Variants in ADAMTS13 observed in about 807,000 individuals in gnomAD.
The protein encoded by ADAMTS13 is A disintegrin and metalloproteinase with thrombospondin motifs 13.
A neutral mutation model predicts 155.1 loss-of-function variants in ADAMTS13; 110 were observed. That is an observed-to-expected ratio of 0.71 (90% confidence interval 0.61 to 0.83). ADAMTS13 has a LOEUF of 0.83. Among genes scored for constraint, ADAMTS13 ranks in the 40% least tolerant of loss-of-function variants. The pLI is 0.00. For synonymous variants in ADAMTS13, 758 were observed against 756.4 expected, an observed-to-expected ratio of 1.00 and a Z score of -0.03; for missense variants, 1,707 against 1,891.7, an observed-to-expected ratio of 0.90 and a Z score of 1.81.
rs782291909 is a variant in ADAMTS13 at position 133,424,506 on chromosome 9, G to T, written c.330+28G>T. 2 of 1,600,026 alleles carry T rather than the reference G, an allele frequency of 1.2e-6. No homozygotes were observed. Among genetic ancestry groups the T allele is most frequent in the Non-Finnish European group, 1.7e-6 (2 of 1,173,520 alleles). ...GAGTGCCCCACGCTGGACTGTGCAG[G>T]TCCCCACGGCCAGGGCTGGTGACCA... On this transcript the variant is annotated intron_variant, in intron 3 of 28. Transcript: ENST00000355699. This position sits in a 1 kb window ranked among gnomAD's most constrained non-coding sequence, Gnocchi z 4.3.
In ADAMTS13 at chr9:133,428,785, C is replaced by G. The variant is rs1349693000; in HGVS notation, c.824+14C>G. The G allele has an allele frequency of 1.1e-5, 14 of 1,308,848 alleles. No individual in the cohort carries two copies. The highest frequency in any genetic ancestry group is 1.4e-5 in the Non-Finnish European group (14 of 1,026,926). 81.1% of individuals were successfully genotyped at this position (1,308,848 alleles called of 1,614,324 possible). On this transcript the variant is annotated intron_variant, in intron 7 of 28. Transcript: ENST00000355699. Reference sequence around the variant, plus strand: ...GAGCCTGCTCAGGTAGCGGCCGCCCCGTGGGAGGGGCGCGCGAGCCTCCAG... The same window carrying G: ...GAGCCTGCTCAGGTAGCGGCCGCCCGGTGGGAGGGGCGCGCGAGCCTCCAG...
Position 133,428,754 on chromosome 9 carries a change from G to T in ADAMTS13, c.807G>T (p.Gln269His), listed in dbSNP as rs1183963868. 1.8e-5 allele frequency: 25 copies of T among 1,354,206 alleles called. 1 individual carries two copies. In the Admixed American group the frequency reaches 6.8e-4, roughly 37 times the overall value. The allele number at this position is 1,354,206 out of a possible 1,614,324, so 83.9% of individuals were successfully genotyped here. Residue 269 changes from glutamine (Q) to histidine (H), a missense_variant, in exon 7 of 29, where the codon CAG becomes CAT. Coordinates refer to ENST00000355699, the MANE Select transcript of ADAMTS13 (RefSeq NM_139027.6). ...CCTGGTCCCCCTGCAGCCGCCGGCA[G>T]CTGCTGAGCCTGCTCAGGTAGCGGC... ...GLAWSPCSRR[Q>H]LLSLLSAGRA...
At chr9:133,435,055 C>A in intron 11 of ADAMTS13, among the ~76,000 whole-genome samples, 1 of 152,198 alleles carries the variant, frequency 6.6e-6, no homozygotes, top group East Asian at 1.9e-4. Context: ...GTGTTTTCAC[C>A]TTTTGGCTCC....
chr9:133,448,845 T>G, intron 22 of ADAMTS13, 117 bp downstream of exon 22: 1 of 1,472,962 alleles, frequency 6.8e-7, no homozygotes, highest in Non-Finnish European at 9.1e-7. Context: ...CTGTGCACTG[T>G]GTGAGGCTGG....
chr9:133,432,417 C>A (rs782665177), intron 8 of ADAMTS13, among the ~76,000 whole-genome samples, 171 bp from the exon 9 acceptor site: 7 of 152,240 alleles, frequency 4.6e-5, no homozygotes, highest in Non-Finnish European at 7.3e-5. Context: ...GTCCCGGTTC[C>A]CCATCGATGG....
chr9:133,442,236 T>G (rs1210469833), intron 16 of ADAMTS13, among the ~76,000 whole-genome samples, 163 bp from the exon 17 acceptor site: 1 of 152,038 alleles, frequency 6.6e-6, no homozygotes, highest in East Asian at 1.9e-4. Flanking sequence ...CTCCCAAAGT[T>G]TTGGGTTTAC....
In ADAMTS13 at chr9:133,425,012, C is replaced by T. The variant is rs1840188612; in HGVS notation, c.331-517C>T. ...GAAGGGCGGGCAGGGAAGCACTCCC[C>T]CACTAGCCGCCGTCTCAGAAAGACA... On this transcript the variant is annotated intron_variant, in intron 3 of 28. Coordinates refer to ENST00000355699, the MANE Select transcript of ADAMTS13 (RefSeq NM_139027.6). This position sits in a 1 kb window ranked among gnomAD's most constrained non-coding sequence, Gnocchi z 4.6. Among the ~76,000 whole-genome samples the T allele has an allele frequency of 6.6e-6, 1 of 152,132 alleles. No individual in the cohort carries two copies. The highest frequency in any genetic ancestry group is 1.5e-5 in the Non-Finnish European group (1 of 68,028).
rs1554793858 is a variant in ADAMTS13, at chr9:133,449,854, C to G, written c.2933C>G (p.Ala978Gly). 6.2e-7 allele frequency: 1 copy of G among 1,613,912 alleles called. No homozygotes were observed. Among genetic ancestry groups the G allele is most frequent in the Non-Finnish European group, 8.5e-7 (1 of 1,180,022 alleles). The change falls in exon 23 of 29, where the codon GCC becomes GGC. Residue 978 changes from alanine (A) to glycine (G), a missense_variant. Coordinates refer to ENST00000355699, the MANE Select transcript of ADAMTS13 (RefSeq NM_139027.6). ...RGVVRRILYCARAHGEDDGEE... is the reference protein window; with the variant it reads ...RGVVRRILYCGRAHGEDDGEE... ...GTCGTGCGGAGGATCCTGTATTGTG[C>G]CCGGGCCCATGGGGAGGACGATGGT... is the stretch of plus-strand genomic sequence containing the variant.
At chr9:133,448,773 G>A in intron 22 of ADAMTS13, 45 bp downstream of exon 22, 1 of 1,588,346 alleles carries the variant, frequency 6.3e-7, no homozygotes, top group Non-Finnish European at 8.5e-7. Context: ...CTCCCTGTAA[G>A]TGGGAGACCC....
upstream of ADAMTS13, among the ~76,000 whole-genome samples, chr9:133,420,933 A>G (rs587749042): frequency 6.6e-5 from 10 of 152,326 alleles, no homozygotes; most frequent in African/African-American, 2.4e-4. Flanking sequence ...TGGCAGGAGG[A>G]CAGTGTGGGT....
intron 6 of ADAMTS13, among the ~76,000 whole-genome samples, chr9:133,427,942 C>T (rs1174032044): frequency 1.3e-5 from 2 of 152,228 alleles, no homozygotes; most frequent in African/African-American, 4.8e-5. Flanking sequence ...CAATGGCAAA[C>T]TGGTATGGCA....
intron 23 of ADAMTS13, among the ~76,000 whole-genome samples, chr9:133,451,621 T>C (rs1842438962): frequency 1.3e-5 from 2 of 152,180 alleles, no homozygotes. Flanking sequence ...AGGCTGGTCA[T>C]GGCTCACGCC....
chr9:133,427,096 T>A (rs1316105040), intron 6 of ADAMTS13, among the ~76,000 whole-genome samples: 1 of 152,214 alleles, frequency 6.6e-6, no homozygotes, highest in Non-Finnish European at 1.5e-5. Context: ...AGCCACTGCA[T>A]CCAGCCTTTC....
At position 133,428,661 on chromosome 9, in the gene ADAMTS13, C is replaced by A; in HGVS notation, c.714C>A (p.Pro238=). The A allele has an allele frequency of 7.4e-7, 1 of 1,356,252 alleles. No homozygotes were observed. The highest frequency in any genetic ancestry group is 1.7e-5 in the South Asian group (1 of 58,894). 84.0% of individuals were successfully genotyped at this position (1,356,252 alleles called of 1,614,324 possible). Residue 238 remains proline (P), a synonymous_variant, in exon 7 of 29, where the codon CCC becomes CCA. Coordinates refer to ENST00000355699, the MANE Select transcript of ADAMTS13 (RefSeq NM_139027.6). ...HSFGLEHDGA[P]GSGCGPSGHV... ...TCGGCCTGGAGCACGACGGCGCGCC[C>A]GGCAGCGGCTGCGGCCCCAGCGGAC...
Position 133,445,734 on chromosome 9 carries a change from C to A in ADAMTS13, c.2646C>A (p.Ser882=). Residue 882 remains serine, a synonymous_variant, in exon 21 of 29, where the codon TCC becomes TCA. Transcript: ENST00000355699. The surrounding 1 kb of genome is among the most constrained non-coding windows in gnomAD (Gnocchi z 5.0). ...DATSAGEKAP[S]PWGSIRTGAQ... is the part of the protein sequence containing the mutation. ...CCTCTGCAGGGGAGAAGGCTCCCTC[C>A]CCATGGGGCAGCATCAGGACGGGGG... is the stretch of plus-strand genomic sequence containing the variant. 6.2e-7 allele frequency: 1 copy of A among 1,612,428 alleles called. No individual in the cohort carries two copies. The highest frequency in any genetic ancestry group is 1.7e-5 in the Admixed American group (1 of 59,974).
At chr9:133,422,363 T>G, upstream of ADAMTS13, 1 of 1,301,234 alleles carries the variant, frequency 7.7e-7, no homozygotes. Context: ...AGCAGGCCTG[T>G]CCCATTCCAT....
chr9:133,443,823 AG>A lies in ADAMTS13; in HGVS notation c.2420+269del, dbSNP rs587711794. On this transcript the variant is annotated intron_variant, in intron 19 of 28. Coordinates refer to ENST00000355699, the MANE Select transcript of ADAMTS13 (RefSeq NM_139027.6). ...AATGGGGATGCCGACCTGCCTGGGG[AG>A]GGGGGGCTTCGAGGATGAGGTCAAA... Among the ~76,000 whole-genome samples the A allele has an allele frequency of 5.3e-3, 799 of 151,866 alleles. 8 individuals carry two copies. The highest frequency in any genetic ancestry group is 0.018 in the African/African-American group (758 of 41,418).
rs149517360 is a variant in ADAMTS13, at chr9:133,432,616, C to G, written c.1016C>G (p.Thr339Arg). ...ATGTGCCAGGCCCTCTCCTGCCACACAGACCCGCTGGACCAAAGCAGCTGC... is the reference window on the plus strand; with the variant it reads ...ATGTGCCAGGCCCTCTCCTGCCACAGAGACCCGCTGGACCAAAGCAGCTGC... The part of the protein sequence containing the change: ...LDMCQALSCH[T>R]DPLDQSSCSR... Residue 339 changes from threonine (T) to arginine (R), a missense_variant, in exon 9 of 29, where the codon ACA becomes AGA. By Grantham distance (71) the Thr-to-Arg change is moderately conservative (BLOSUM62 -1). Transcript: ENST00000355699. 2,016 of 1,556,098 alleles carry G rather than the reference C, an allele frequency of 1.3e-3. 24 individuals are homozygous for G. The East Asian group carries it at 0.023, about 18-fold the overall frequency.
intron 19 of ADAMTS13, among the ~76,000 whole-genome samples, chr9:133,443,781 C>T (rs1841868123): frequency 6.6e-6 from 1 of 152,132 alleles, no homozygotes; most frequent in Non-Finnish European, 1.5e-5. Context: ...CTCTGAGCTT[C>T]CGAGCCCCTG....
Sources: gnomAD v4.1 joint callset for allele counts (sites outside exome capture counted in the v4.1 genomes callset) on GRCh38, gnomAD v4.1.1 for gene constraint, Gnocchi (gnomAD v3.1) non-coding constraint, MANE v1.5 for transcripts, NCBI Gene and HGNC (gene_info 2026-07-23, HGNC 2026-07-21) for gene names.